Variants in PCDH18 observed in about 807,000 individuals in gnomAD.
PCDH18 encodes the protein protocadherin-18.
PCDH18 carries 38 observed loss-of-function variants against 71.5 expected under a neutral mutation model. That is an observed-to-expected ratio of 0.53 (90% CI 0.41 to 0.70). The LOEUF (loss-of-function observed/expected upper bound fraction) is 0.70. Ranked by LOEUF, PCDH18 falls within the 30% of genes least tolerant of loss-of-function variation. The probability of loss-of-function intolerance (pLI) is 0.00; values close to 1 mark genes in which losing one functional copy is unlikely to be tolerated. For missense variants in PCDH18, 1,334 were observed against 1,384.6 expected, an observed-to-expected ratio of 0.96 and a Z score of 0.58; for synonymous variants, 565 against 505.4, an observed-to-expected ratio of 1.12 and a Z score of -1.58.
chr4:137,521,783 G>C (rs1164003244), intron 3 of PCDH18, 87 bp from the exon 4 acceptor site: 2 of 990,246 alleles, frequency 2.0e-6, no homozygotes, highest in African/African-American at 3.3e-5. Flanking sequence ...AATAAAAATA[G>C]AATGAGACAA....
chr4:137,522,405 C>T (rs1263982614), intron 3 of PCDH18, among the ~76,000 whole-genome samples: 1 of 151,812 alleles, frequency 6.6e-6, no homozygotes, highest in Non-Finnish European at 1.5e-5. Context: ...TTCTAATGCT[C>T]TTATGGGAAT....
rs890763988 is a variant in PCDH18, at chr4:137,520,749, C to T, written c.*280G>A. 32 of 295,914 alleles carry T rather than the reference C, an allele frequency of 1.1e-4. No homozygotes were observed. Among genetic ancestry groups the T allele is most frequent in the Non-Finnish European group, 1.4e-4 (22 of 159,472 alleles). The allele number at this position is 295,914 out of a possible 1,614,324, so 18.3% of individuals were successfully genotyped here. Reference sequence around the variant, plus strand: ...ATTTGAACAGTGGCTAGTTTCTACACGACTAGGAAAAACATGTCTGTCATG... The same window carrying T: ...ATTTGAACAGTGGCTAGTTTCTACATGACTAGGAAAAACATGTCTGTCATG... On this transcript the variant is annotated 3_prime_UTR_variant, in exon 4 of 4. Coordinates refer to ENST00000344876, the MANE Select transcript of PCDH18 (RefSeq NM_019035.5).
chr4:137,529,239 TCA>T, intron 1 of PCDH18: 2 of 247,446 alleles, frequency 8.1e-6, no homozygotes, highest in African/African-American at 2.2e-5. Context: ...TCTGAAGGCC[TCA>T]GTTTTTTTAT....
Position 137,528,467 on chromosome 4 carries a change from T to A in PCDH18, c.2740+11A>T. The A allele has an allele frequency of 6.2e-7, 1 of 1,611,578 alleles. No homozygotes were observed. Among genetic ancestry groups the A allele is most frequent in the Non-Finnish European group, 8.5e-7 (1 of 1,178,280 alleles). ...CCTGAAAATAAAGATTTTCTATCAC[T>A]ACCCTCTTACCTGCTGGAATTCTTC... On this transcript the variant is annotated intron_variant, in intron 3 of 3. Transcript: ENST00000344876.
chr4:137,526,078 A>G (rs911980687), intron 3 of PCDH18, among the ~76,000 whole-genome samples: 1 of 151,618 alleles, frequency 6.6e-6, no homozygotes, highest in African/African-American at 2.4e-5. Context: ...TCCAAGTGCT[A>G]GAAAACTTTC....
Position 137,531,304 on chromosome 4 carries a change from C to T in PCDH18, c.785G>A (p.Gly262Asp), listed in dbSNP as rs775345861. 6.2e-7 allele frequency: 1 copy of T among 1,614,090 alleles called. No homozygotes were observed. Among genetic ancestry groups the T allele is most frequent in the Non-Finnish European group, 8.5e-7 (1 of 1,180,008 alleles). The change falls in exon 1 of 4, where the codon GGC becomes GAC. Residue 262 changes from glycine to aspartate, a missense_variant. Around this residue, in one of 3 missense-constraint regions of PCDH18, gnomAD observed 1,011 missense variants for 1,048.0 expected, o/e 0.96. Transcript: ENST00000344876. ...IIQLLENSPV[G>D]TLLLDLNATD... ...GGCATTCAGATCTAAGAGCAAAGTG[C>T]CAACCGGGGAGTTTTCTAAGAGTTG...
Position 137,532,300 on chromosome 4 carries a change from CGTTT to C in PCDH18, c.-216_-213del. 1.4e-6 allele frequency: 1 copy of C among 703,098 alleles called. No individual in the cohort carries two copies. The highest frequency in any genetic ancestry group is 2.6e-6 in the Non-Finnish European group (1 of 385,404). The allele number at this position is 703,098 out of a possible 1,614,324, so 43.6% of individuals were successfully genotyped here. ...CCTTCGGCATGGAGTCCAGTCCTTG[CGTTT>C]GTTTGGTCGTTCGTCCTCTTTCCAG... is the stretch of plus-strand genomic sequence containing the variant. On this transcript the variant is annotated 5_prime_UTR_variant, in exon 1 of 4. Transcript: ENST00000344876.
chr4:137,525,447 C>G (rs112363003), intron 3 of PCDH18, among the ~76,000 whole-genome samples: 2,494 of 152,236 alleles, frequency 0.016, 50 homozygotes, highest in African/African-American at 0.058. Flanking sequence ...TGTGGACTTA[C>G]ATTTTTCTCT....
chr4:137,522,091 G>C (rs1375889526), intron 3 of PCDH18, among the ~76,000 whole-genome samples: 3 of 152,114 alleles, frequency 2.0e-5, no homozygotes, highest in Non-Finnish European at 2.9e-5. Flanking sequence ...ATTAATTCTT[G>C]TGTAATACAT....
At chr4:137,529,396 A>G (rs1045371763) in intron 1 of PCDH18, 2 of 468,222 alleles carry the variant, frequency 4.3e-6, no homozygotes, top group African/African-American at 3.9e-5. Context: ...CACATATTAT[A>G]TGAAGTTATT....
At chr4:137,522,013 T>C (rs1731316736) in intron 3 of PCDH18, among the ~76,000 whole-genome samples, 1 of 152,172 alleles carries the variant, frequency 6.6e-6, no homozygotes, top group Non-Finnish European at 1.5e-5. Context: ...AGTGATGAAA[T>C]AAGTGCTGAA....
At chr4:137,521,717 G>T in intron 3 of PCDH18, 21 bp from the exon 4 acceptor site, 1 of 1,563,084 alleles carries the variant, frequency 6.4e-7, no homozygotes. Flanking sequence ...GAAAAACAGT[G>T]GGGATTCATT....
Position 137,521,150 on chromosome 4 carries a change from T to C in PCDH18, c.3287A>G (p.Tyr1096Cys), listed in dbSNP as rs1455893766. The C allele has an allele frequency of 6.2e-7, 1 of 1,614,054 alleles. No individual in the cohort carries two copies. Among genetic ancestry groups the C allele is most frequent in the African/African-American group, 1.3e-5 (1 of 74,936 alleles). Reference protein sequence around the residue: ...LPAMEEIPENYEEDDFDNVLN... With the variant: ...LPAMEEIPENCEEDDFDNVLN... Reference sequence around the variant, plus strand: ...CACATTGTCAAAATCATCTTCCTCATAATTTTCAGGGATCTCCTCCATGGC... The same window carrying C: ...CACATTGTCAAAATCATCTTCCTCACAATTTTCAGGGATCTCCTCCATGGC... The change falls in exon 4 of 4, where the codon TAT becomes TGT. Residue 1096 changes from tyrosine (Y) to cysteine (C), a missense_variant. Around this residue, in one of 3 missense-constraint regions of PCDH18, gnomAD observed 319 missense variants for 316.3 expected, o/e 1.01. Coordinates refer to ENST00000344876, the MANE Select transcript of PCDH18 (RefSeq NM_019035.5).
Position 137,520,792 on chromosome 4 carries a change from T to G in PCDH18, c.*237A>C. 5.0e-6 allele frequency: 2 copies of G among 401,310 alleles called. No homozygotes were observed. The highest frequency in any genetic ancestry group is 6.8e-5 in the South Asian group (1 of 14,760). 24.9% of individuals were successfully genotyped at this position (401,310 alleles called of 1,614,324 possible). Reference sequence around the variant, plus strand: ...CTGTCATGGGAGTAAAAAAATAAAATTTGTTTGTTAAATTACACATAAATA... The same window carrying G: ...CTGTCATGGGAGTAAAAAAATAAAAGTTGTTTGTTAAATTACACATAAATA... On this transcript the variant is annotated 3_prime_UTR_variant, in exon 4 of 4. Coordinates refer to ENST00000344876, the MANE Select transcript of PCDH18 (RefSeq NM_019035.5).
At chr4:137,529,067 C>A in intron 1 of PCDH18, 1 of 471,040 alleles carries the variant, frequency 2.1e-6, no homozygotes, top group Non-Finnish European at 3.7e-6. Flanking sequence ...AGAAGACTCC[C>A]TTTCAAATAA....
In PCDH18 at chr4:137,528,722, T is replaced by A. The variant is rs1560725250; in HGVS notation, c.2576+10A>T. ...TGAAACTTAATAGGTAACACAAGAA[T>A]AATTCATACCTGTAGCTCCTGGAAT... On this transcript the variant is annotated intron_variant, in intron 2 of 3. Coordinates refer to ENST00000344876, the MANE Select transcript of PCDH18 (RefSeq NM_019035.5). The A allele has an allele frequency of 1.2e-6, 2 of 1,609,958 alleles. No homozygotes were observed. Among genetic ancestry groups the A allele is most frequent in the Non-Finnish European group, 1.7e-6 (2 of 1,176,250 alleles).
In PCDH18 at chr4:137,532,375, T is replaced by C. The variant is rs78432334; in HGVS notation, c.-287A>G. The C allele has an allele frequency of 0.027, 18,638 of 702,116 alleles. 498 individuals carry two copies. The highest frequency in any genetic ancestry group is 0.1 in the African/African-American group (5,989 of 57,284). The allele number at this position is 702,116 out of a possible 1,614,324, so 43.5% of individuals were successfully genotyped here. ...CGTTTTCTCCCTTGTGTAGTCGGAA[T>C]CCATCTATTGCAGGGTGCCGGTGGA... On this transcript the variant is annotated 5_prime_UTR_variant, in exon 1 of 4. Coordinates refer to ENST00000344876, the MANE Select transcript of PCDH18 (RefSeq NM_019035.5).
intron 3 of PCDH18, among the ~76,000 whole-genome samples, chr4:137,523,473 C>T (rs1345988924): frequency 2.0e-5 from 3 of 151,546 alleles, no homozygotes; most frequent in African/African-American, 7.3e-5. Flanking sequence ...CTTCTTAATT[C>T]CGCAGGTCTC....
In PCDH18 at chr4:137,530,414, T is replaced by A. The variant is rs1400357395; in HGVS notation, c.1675A>T (p.Asn559Tyr). ...DGGSPKQLVSNTTVVLTIIDE... is the reference protein window; with the variant it reads ...DGGSPKQLVSYTTVVLTIIDE... Reference sequence around the variant, plus strand: ...ATGATGGTGAGCACAACTGTGGTATTGCTTACCAGTTGCTTCGGGCTTCCT... The same window carrying A: ...ATGATGGTGAGCACAACTGTGGTATAGCTTACCAGTTGCTTCGGGCTTCCT... The change falls in exon 1 of 4, where the codon AAT (asparagine) becomes TAT (tyrosine). Residue 559 changes from asparagine to tyrosine, a missense_variant. Around this residue, in one of 3 missense-constraint regions of PCDH18, gnomAD observed 1,011 missense variants for 1,048.0 expected, o/e 0.96. Coordinates refer to ENST00000344876, the MANE Select transcript of PCDH18 (RefSeq NM_019035.5). 6.2e-7 allele frequency: 1 copy of A among 1,614,170 alleles called. No individual in the cohort carries two copies. The highest frequency in any genetic ancestry group is 2.2e-5 in the East Asian group (1 of 44,880).
Sources: allele counts gnomAD v4.1 joint callset (sites outside exome capture counted in the v4.1 genomes callset), GRCh38; gene constraint gnomAD v4.1.1; regional missense constraint gnomAD v4.1.1; transcripts MANE v1.5; gene names NCBI Gene and HGNC (gene_info 2026-07-23, HGNC 2026-07-21).